SEPTIN14: variants seen among roughly 807,000 people sequenced by gnomAD.
SEPTIN14 encodes the protein septin 14.
SEPTIN14 carries 40 observed loss-of-function variants against 53.6 expected under a neutral mutation model. The observed-to-expected ratio is 0.75, with a 90% CI of 0.58 to 0.97. The LOEUF is 0.97. SEPTIN14 is among the 50% of genes least tolerant of loss of function. The pLI is 0.00. For missense variants in SEPTIN14, 471 were observed against 508.2 expected (o/e 0.93, Z 0.70); for synonymous variants, 138 against 166.8 (o/e 0.83, Z 1.33).
At chr7:55,830,338 TATATA>T (rs1789081278) in intron 6 of SEPTIN14, among the ~76,000 whole-genome samples, 8 of 44,728 alleles carry the variant, frequency 1.8e-4, no homozygotes, top group South Asian at 1.8e-3. Flanking sequence ...TATATATATA[TATATA>T]TATATATTTT....
At chr7:55,815,600 T>G (rs1027996468) in intron 7 of SEPTIN14, among the ~76,000 whole-genome samples, 5 of 152,014 alleles carry the variant, frequency 3.3e-5, no homozygotes, top group African/African-American at 1.2e-4. Context: ...GAAAAGGTGC[T>G]CAATATCACT....
In SEPTIN14 at chr7:55,797,790, G is replaced by A. The variant is rs528752639; in HGVS notation, c.1120-1698C>T. Among the ~76,000 whole-genome samples the A allele has an allele frequency of 1.6e-4, 24 of 152,272 alleles. No individual in the cohort carries two copies. The East Asian group carries it at 3.9e-3, about 25-fold the overall frequency. ...TCAAGACCAGCCTGGCCAACATGGC[G>A]AAACCCTATCTCTACTAAAAATACA... On this transcript the variant is annotated intron_variant, in intron 9 of 9. Coordinates refer to ENST00000388975, the MANE Select transcript of SEPTIN14 (RefSeq NM_207366.3).
In SEPTIN14 at chr7:55,860,543, TC is replaced by T. The variant is rs1789725852; in HGVS notation, c.54+1399del. Among the ~76,000 whole-genome samples, 3 of 152,246 alleles carry T rather than the reference TC, an allele frequency of 2.0e-5. No homozygotes were observed. The South Asian group carries it at 6.2e-4, about 32-fold the overall frequency. On this transcript the variant is annotated intron_variant, in intron 2 of 9. Coordinates refer to ENST00000388975, the MANE Select transcript of SEPTIN14 (RefSeq NM_207366.3). ...AGCTAAAAGAGGGGATTTGAAATGT[TC>T]CCAAAACATAGAAATAATAAATATT...
intron 6 of SEPTIN14, among the ~76,000 whole-genome samples, chr7:55,830,349 A>ATATATATATATATTT (rs71015108): frequency 3.5e-5 from 2 of 56,854 alleles, no homozygotes; most frequent in Non-Finnish European, 5.6e-5. Flanking sequence ...ATATATATAT[A>ATATATATATATATTT]TTTTTTTTTT....
chr7:55,839,801 A>G (rs1789276098), intron 5 of SEPTIN14, among the ~76,000 whole-genome samples: 1 of 152,136 alleles, frequency 6.6e-6, no homozygotes, highest in Admixed American at 6.6e-5. Flanking sequence ...ACCCCCCAGT[A>G]CCTCAGAATG....
intron 9 of SEPTIN14, among the ~76,000 whole-genome samples, chr7:55,796,734 A>G (rs1244429983): frequency 6.6e-6 from 1 of 151,978 alleles, no homozygotes; most frequent in Non-Finnish European, 1.5e-5. Context: ...GGGCAATGTA[A>G]CACAATAGTA....
At position 55,840,518 on chromosome 7, in the gene SEPTIN14, C is replaced by T. The variant is rs10239528; in HGVS notation, c.558+2424G>A. On this transcript the variant is annotated intron_variant, in intron 5 of 9. Transcript: ENST00000388975. The stretch of plus-strand genomic sequence containing the variant: ...AAAAAAAGACAAAATGTGGACACCC[C>T]GGAGACACTAGGAAAAACACCATGT... Among the ~76,000 whole-genome samples the T allele has an allele frequency of 4.0e-5, 6 of 151,622 alleles. No homozygotes were observed. The South Asian group carries it at 8.3e-4, about 21-fold the overall frequency.
Position 55,795,743 on chromosome 7 carries a change from C to G in SEPTIN14, c.*170G>C. On this transcript the variant is annotated 3_prime_UTR_variant, in exon 10 of 10. Transcript: ENST00000388975. Reference sequence around the variant, plus strand: ...TCAGCCTCCCAAAGTGCTGGGATTACAGGCATGAGCCACCACACCCCGCTA... The same window carrying G: ...TCAGCCTCCCAAAGTGCTGGGATTAGAGGCATGAGCCACCACACCCCGCTA... 1.6e-6 allele frequency: 1 copy of G among 606,070 alleles called. No individual in the cohort carries two copies. Among genetic ancestry groups the G allele is most frequent in the Non-Finnish European group, 2.9e-6 (1 of 347,490 alleles). 37.5% of individuals were successfully genotyped at this position (606,070 alleles called of 1,614,324 possible).
Position 55,795,846 on chromosome 7 carries a change from A to G in SEPTIN14, c.*67T>C. On this transcript the variant is annotated 3_prime_UTR_variant, in exon 10 of 10. Transcript: ENST00000388975. ...AATGAGAACTTCAGAGTTAAATGCT[A>G]CAAAGACAATCTCACAGGAAGTTGC... is the stretch of plus-strand genomic sequence containing the variant. 5 of 1,185,166 alleles carry G rather than the reference A, an allele frequency of 4.2e-6. No individual in the cohort carries two copies. The South Asian group carries it at 5.0e-5, about 12-fold the overall frequency. The allele number at this position is 1,185,166 out of a possible 1,614,324, so 73.4% of individuals were successfully genotyped here.
At chr7:55,807,002 A>G in intron 8 of SEPTIN14, 88 bp downstream of exon 8, 1 of 950,924 alleles carries the variant, frequency 1.1e-6, no homozygotes, top group Non-Finnish European at 1.5e-6. Flanking sequence ...GAGAAGTATA[A>G]TTATTCTCAT....
intron 6 of SEPTIN14, among the ~76,000 whole-genome samples, chr7:55,825,739 G>T (rs1160248209): frequency 2.0e-5 from 3 of 152,060 alleles, no homozygotes; most frequent in African/African-American, 7.2e-5. Context: ...GGCCGAGGCG[G>T]TTGGATCATT....
At chr7:55,808,848 G>A (rs1046268117) in intron 7 of SEPTIN14, among the ~76,000 whole-genome samples, 5 of 152,070 alleles carry the variant, frequency 3.3e-5, no homozygotes, top group South Asian at 2.1e-4. Context: ...CACCACGCTC[G>A]GCCTGACAAT....
At chr7:55,846,975 C>A (rs1789427049) in intron 2 of SEPTIN14, among the ~76,000 whole-genome samples, 2 of 152,136 alleles carry the variant, frequency 1.3e-5, no homozygotes, top group South Asian at 4.1e-4. Context: ...ATCATGAGGT[C>A]AGGAGTTCGA....
rs1315120296 is a variant in SEPTIN14, at chr7:55,822,109, C to T, written c.721-2886G>A. 4.6e-5 allele frequency among the ~76,000 whole-genome samples: 7 copies of T among 152,274 alleles called. No individual in the cohort carries two copies. The East Asian group carries it at 1.4e-3, about 29-fold the overall frequency. ...ATAATTCAATTACCTTCCCCTGGGT[C>T]CCTCCCGAAACATGTGGGAATTCTG... is the stretch of plus-strand genomic sequence containing the variant. On this transcript the variant is annotated intron_variant, in intron 6 of 9. Transcript: ENST00000388975.
chr7:55,827,099 A>G (rs1789001506), intron 6 of SEPTIN14, among the ~76,000 whole-genome samples: 1 of 152,202 alleles, frequency 6.6e-6, no homozygotes. Context: ...TGCCATCCAG[A>G]GCACCATATA....
chr7:55,793,557 G>A lies in SEPTIN14; in HGVS notation c.*2356C>T, dbSNP rs950895181. ...TATTGTAATTTTGGTTTGTAACTCC[G>A]CTTTTTATTTTCTACAGGATTTAAA... On this transcript the variant is annotated 3_prime_UTR_variant, in exon 10 of 10. Coordinates refer to ENST00000388975, the MANE Select transcript of SEPTIN14 (RefSeq NM_207366.3). 1.8e-4 allele frequency: 28 copies of A among 152,086 alleles called. No homozygotes were observed. Among genetic ancestry groups the A allele is most frequent in the African/African-American group, 6.5e-4 (27 of 41,538 alleles). The allele number at this position is 152,086 out of a possible 1,614,324, so 9.4% of individuals were successfully genotyped here.
chr7:55,806,080 T>G (rs1339481860), intron 8 of SEPTIN14, among the ~76,000 whole-genome samples: 1 of 152,110 alleles, frequency 6.6e-6, no homozygotes, highest in African/African-American at 2.4e-5. Flanking sequence ...CACTGCAATC[T>G]CTGCTGCCCA....
intron 9 of SEPTIN14, 133 bp from the exon 10 acceptor site, chr7:55,796,225 A>C: frequency 1.6e-6 from 1 of 639,840 alleles, no homozygotes; most frequent in Non-Finnish European, 2.7e-6. Context: ...AACCTCAAAA[A>C]CTCAGGAGTA....
chr7:55,861,829 A>T, intron 2 of SEPTIN14, 114 bp downstream of exon 2: 1 of 619,598 alleles, frequency 1.6e-6, no homozygotes, highest in Non-Finnish European at 2.6e-6. Flanking sequence ...CCCAAACATA[A>T]CAAACAAGAC....
Sources: allele counts gnomAD v4.1 joint callset (sites outside exome capture counted in the v4.1 genomes callset), GRCh38; gene constraint gnomAD v4.1.1; transcripts MANE v1.5; gene names NCBI Gene and HGNC (gene_info 2026-07-23, HGNC 2026-07-21).